Variants in PRELID3A observed in about 807,000 individuals in gnomAD.
PRELID3A encodes the protein PRELI domain containing protein 3A.
In PRELID3A, 27 loss-of-function variants were observed where a neutral mutation model predicts 23.0. That is an observed-to-expected ratio of 1.17 (90% CI 0.87 to 1.62). PRELID3A has a LOEUF of 1.62. PRELID3A is among the 40% of genes most tolerant of loss of function. The pLI is 0.00. For missense variants in PRELID3A, 231 were observed against 231.4 expected (o/e 1.00, Z 0.01); for synonymous variants, 87 against 86.4 (o/e 1.01, Z -0.04).
chr18:12,419,474 C>T (rs2030074136), intron 1 of PRELID3A, among the ~76,000 whole-genome samples: 1 of 148,414 alleles, frequency 6.7e-6, no homozygotes, highest in Admixed American at 6.8e-5. Context: ...ACTAAAAATA[C>T]AAAAATTAGC....
intron 3 of PRELID3A, 49 bp downstream of exon 3, chr18:12,421,678 GGTGCGTA>G: frequency 8.1e-7 from 1 of 1,239,514 alleles, no homozygotes; most frequent in Admixed American, 1.7e-5. Flanking sequence ...TCTGGGTGGT[GGTGCGTA>G]AGGCCTTCGT....
chr18:12,411,765 T>A (rs1161472727), intron 1 of PRELID3A, among the ~76,000 whole-genome samples: 1 of 152,096 alleles, frequency 6.6e-6, no homozygotes, highest in East Asian at 1.9e-4. Flanking sequence ...GCTCTTCCCC[T>A]CCCCACTGGT....
intron 1 of PRELID3A, among the ~76,000 whole-genome samples, chr18:12,415,589 A>G (rs2029921850): frequency 6.6e-6 from 1 of 152,094 alleles, no homozygotes; most frequent in African/African-American, 2.4e-5. Context: ...TTTGCTATGG[A>G]AATTTCACAA....
Position 12,419,590 on chromosome 18 carries a change from C to T in PRELID3A, c.33-735C>T, listed in dbSNP as rs1217669955. Among the ~76,000 whole-genome samples the T allele has an allele frequency of 2.0e-5, 3 of 148,352 alleles. No homozygotes were observed. The Middle Eastern group carries it at 0.011, about 530-fold the overall frequency. On this transcript the variant is annotated intron_variant, in intron 1 of 6. Coordinates refer to ENST00000440960, the MANE Select transcript of PRELID3A (RefSeq NM_001142405.2). Reference sequence around the variant, plus strand: ...GTTGCAGTGAGCTGAGATCGTGCCACGGCACTCCAGCCTGGGTGATAGAGT... The same window carrying T: ...GTTGCAGTGAGCTGAGATCGTGCCATGGCACTCCAGCCTGGGTGATAGAGT...
intron 1 of PRELID3A, among the ~76,000 whole-genome samples, chr18:12,414,985 G>A (rs1418747803): frequency 2.6e-5 from 4 of 152,008 alleles, no homozygotes; most frequent in African/African-American, 7.3e-5. Context: ...CTGGAGTGCA[G>A]TAGTGCAATC....
At chr18:12,419,466 TA>T (rs1418481311) in intron 1 of PRELID3A, among the ~76,000 whole-genome samples, 15 of 145,876 alleles carry the variant, frequency 1.0e-4, no homozygotes, top group Non-Finnish European at 2.2e-4. Context: ...CCATCTCTAC[TA>T]AAAATACAAA....
At chr18:12,411,072 T>C (rs1021702997) in intron 1 of PRELID3A, among the ~76,000 whole-genome samples, 1 of 151,978 alleles carries the variant, frequency 6.6e-6, no homozygotes, top group Non-Finnish European at 1.5e-5. Context: ...GCCCCTGAGA[T>C]CATCATAGCA....
rs2030411959 is a variant in PRELID3A at position 12,427,262 on chromosome 18, T to G, written c.404T>G (p.Ile135Ser). 1.2e-6 allele frequency: 2 copies of G among 1,614,070 alleles called. No homozygotes were observed. The highest frequency in any genetic ancestry group is 1.7e-6 in the Non-Finnish European group (2 of 1,180,042). The change falls in exon 5 of 7, where the codon ATT becomes AGT. Residue 135 changes from isoleucine (I) to serine (S), a missense_variant. Ile to Ser is a moderately radical substitution (Grantham distance 142). Coordinates refer to ENST00000440960, the MANE Select transcript of PRELID3A (RefSeq NM_001142405.2). ...TQEAIITVKGISLGSYLESLM... is the reference protein window; with the variant it reads ...TQEAIITVKGSSLGSYLESLM... Reference sequence around the variant, plus strand: ...GAAGCCATCATCACTGTGAAGGGGATTAGCCTTGGTAGTTATTTGGAAAGT... The same window carrying G: ...GAAGCCATCATCACTGTGAAGGGGAGTAGCCTTGGTAGTTATTTGGAAAGT...
chr18:12,429,231 T>C, intron 5 of PRELID3A, 119 bp from the exon 6 acceptor site: 1 of 789,358 alleles, frequency 1.3e-6, no homozygotes, highest in East Asian at 2.5e-5. Flanking sequence ...AGGTCACTGC[T>C]GTGTCTCCTT....
At chr18:12,423,993 T>G (rs1598862676) in intron 3 of PRELID3A, among the ~76,000 whole-genome samples, 2 of 152,114 alleles carry the variant, frequency 1.3e-5, no homozygotes, top group South Asian at 4.1e-4. Flanking sequence ...AGGCAGTGGG[T>G]GCATCCCTGT....
chr18:12,430,968 CTG>C (rs1777566250), intron 6 of PRELID3A, among the ~76,000 whole-genome samples, 180 bp from the exon 7 acceptor site: 1 of 144,610 alleles, frequency 6.9e-6, no homozygotes, highest in Non-Finnish European at 1.5e-5. Flanking sequence ...TTGTGCATGT[CTG>C]TATGATGTGC....
chr18:12,426,652 A>C (rs554281334), intron 3 of PRELID3A, among the ~76,000 whole-genome samples: 1 of 152,064 alleles, frequency 6.6e-6, no homozygotes, highest in African/African-American at 2.4e-5. Flanking sequence ...ATGTAGATTC[A>C]GAGTCTGTCC....
At chr18:12,411,421 G>A (rs1188635158) in intron 1 of PRELID3A, among the ~76,000 whole-genome samples, 2 of 143,040 alleles carry the variant, frequency 1.4e-5, no homozygotes, top group African/African-American at 2.6e-5. Flanking sequence ...AGCCGAGATC[G>A]CGCCACTGCA....
Position 12,431,782 on chromosome 18 carries a change from C to T in PRELID3A, c.*666C>T, listed in dbSNP as rs45624633. 6.6e-6 allele frequency: 1 copy of T among 152,304 alleles called. No homozygotes were observed. The highest frequency in any genetic ancestry group is 1.5e-5 in the Non-Finnish European group (1 of 68,130). The allele number at this position is 152,304 out of a possible 1,614,324, so 9.4% of individuals were successfully genotyped here. A position where few individuals can be genotyped will look rare whatever the true frequency, so the allele number is the denominator to read the frequency against. ...GGGTCCAGGGGTTTCCCGGCCCTTT[C>T]TGCAGGCTGTGCCAGCCCCCTCCAG... is the stretch of plus-strand genomic sequence containing the variant. On this transcript the variant is annotated 3_prime_UTR_variant, in exon 7 of 7. Transcript: ENST00000440960.
intron 6 of PRELID3A, among the ~76,000 whole-genome samples, chr18:12,430,500 GC>G (rs1457044352): frequency 7.1e-6 from 1 of 141,304 alleles, no homozygotes; most frequent in Non-Finnish European, 1.5e-5. Flanking sequence ...TGGTGTGTAT[GC>G]TGGTGTGTGA....
chr18:12,420,750 TG>T (rs1264419500), intron 2 of PRELID3A, among the ~76,000 whole-genome samples: 3 of 16,810 alleles, frequency 1.8e-4, no homozygotes, highest in Non-Finnish European at 3.2e-4. Context: ...GGGCGTGGGG[TG>T]GGGGGTCGGT....
chr18:12,430,839 G>T (rs191098805), intron 6 of PRELID3A, among the ~76,000 whole-genome samples: 17 of 147,780 alleles, frequency 1.2e-4, no homozygotes, highest in Non-Finnish European at 2.5e-4. Flanking sequence ...GTGTGGTATG[G>T]GTGCATGTGT....
intron 6 of PRELID3A, among the ~76,000 whole-genome samples, chr18:12,429,853 A>G (rs1207922725): frequency 6.6e-6 from 1 of 152,220 alleles, no homozygotes; most frequent in African/African-American, 2.4e-5. Context: ...CACTTGCCCC[A>G]AGCCAGTACA....
chr18:12,431,825 C>CG lies in PRELID3A; in HGVS notation c.*714dup, dbSNP rs1436144887. Reference sequence around the variant, plus strand: ...CCCTCCAGTCTGCCACTGCCGTGCCCGGGGGACATCCTGCGCCCAGGCTGG... The same window carrying CG: ...CCCTCCAGTCTGCCACTGCCGTGCCCGGGGGGACATCCTGCGCCCAGGCTGG... On this transcript the variant is annotated 3_prime_UTR_variant, in exon 7 of 7. Coordinates refer to ENST00000440960, the MANE Select transcript of PRELID3A (RefSeq NM_001142405.2). 2 of 152,292 alleles carry CG rather than the reference C, an allele frequency of 1.3e-5. No individual in the cohort carries two copies. The highest frequency in any genetic ancestry group is 4.8e-5 in the African/African-American group (2 of 41,462). 9.4% of individuals were successfully genotyped at this position (152,292 alleles called of 1,614,324 possible). A position where few individuals can be genotyped will look rare whatever the true frequency, so the allele number is the denominator to read the frequency against.
Sources: allele counts gnomAD v4.1 joint callset (sites outside exome capture counted in the v4.1 genomes callset), GRCh38; gene constraint gnomAD v4.1.1; transcripts MANE v1.5; gene names NCBI Gene and HGNC (gene_info 2026-07-23, HGNC 2026-07-21).